BRCA2: variants seen among roughly 807,000 people sequenced by gnomAD.
The protein encoded by BRCA2 is breast cancer type 2 susceptibility protein.
Under a neutral mutation model 276.7 loss-of-function variants are expected in BRCA2, and 203 were observed. The ratio of observed to expected loss-of-function variants is 0.73; its 90% CI spans 0.65 to 0.82. The LOEUF (loss-of-function observed/expected upper bound fraction) is 0.82, where lower values mean the gene tolerates loss of function less well. Ranked by LOEUF, BRCA2 falls within the 40% of genes least tolerant of loss-of-function variation. The pLI is 0.00. For synonymous variants in BRCA2, 1,289 were observed against 1,338.4 expected (o/e 0.96, Z 0.81); for missense variants, 3,920 against 3,915.0 (o/e 1.00, Z -0.03).
In BRCA2 at chr13:32,319,275, C is replaced by T. The variant is rs748609599; in HGVS notation, c.266C>T (p.Pro89Leu). 10 of 1,613,776 alleles carry T rather than the reference C, an allele frequency of 6.2e-6. No homozygotes were observed. The highest frequency in any genetic ancestry group is 3.3e-4 in the Middle Eastern group (2 of 6,062). ...TTCAAAGAGCAAGGGCTGACTCTGC[C>T]GCTGTACCAATCTCCTGTAAAAGAA... ...IIFKEQGLTL[P>L]LYQSPVKELD... The change falls in exon 3 of 27, where the codon CCG becomes CTG. Residue 89 changes from proline to leucine, a missense_variant. By Grantham distance (98) the Pro-to-Leu change is moderately conservative. Around this residue, in one of 2 missense-constraint regions of BRCA2, gnomAD observed 3,263 missense variants for 3,156.9 expected, o/e 1.03. Coordinates refer to ENST00000380152, the MANE Select transcript of BRCA2 (RefSeq NM_000059.4).
At chr13:32,393,261 T>C (rs1174012503) in intron 24 of BRCA2, among the ~76,000 whole-genome samples, 1 of 152,242 alleles carries the variant, frequency 6.6e-6, no homozygotes, top group Non-Finnish European at 1.5e-5. Flanking sequence ...ATCAGTTGAT[T>C]TTGTTTGCAA....
At chr13:32,376,597 A>G in intron 20 of BRCA2, 73 bp from the exon 21 acceptor site, 3 of 1,520,446 alleles carry the variant, frequency 2.0e-6, no homozygotes, top group East Asian at 4.5e-5. Flanking sequence ...TGGGTGTTTT[A>G]TGCTTGGTTC....
At position 32,340,149 on chromosome 13, in the gene BRCA2, CAT is replaced by C. The variant is rs80359537; in HGVS notation, c.5796_5797del (p.His1932GlnfsTer12). ...ADIQSEEILQ[H>X]NQNMSGLEKV... ...CATTCAGAGTGAAGAAATTTTACAA[CAT>C]AACCAAAATATGTCTGGATTGGAGA... On this transcript the variant is annotated frameshift_variant, in exon 11 of 27. Coordinates refer to ENST00000380152, the MANE Select transcript of BRCA2 (RefSeq NM_000059.4). LOFTEE classifies it high-confidence loss of function. 6.2e-7 allele frequency: 1 copy of C among 1,613,168 alleles called. No individual in the cohort carries two copies. The highest frequency in any genetic ancestry group is 8.5e-7 in the Non-Finnish European group (1 of 1,179,450).
At position 32,353,389 on chromosome 13, in the gene BRCA2, G is replaced by T. The variant is rs182231475; in HGVS notation, c.7008-1472G>T. Among the ~76,000 whole-genome samples, 10 of 152,296 alleles carry T rather than the reference G, an allele frequency of 6.6e-5. No individual in the cohort carries two copies. In the East Asian group the frequency reaches 1.9e-3, roughly 29 times the overall value. Reference sequence around the variant, plus strand: ...TGAATTCTCAACAAAGAAGCCGGGGGATCCTTTTAAACATAAGACAGATTA... The same window carrying T: ...TGAATTCTCAACAAAGAAGCCGGGGTATCCTTTTAAACATAAGACAGATTA... On this transcript the variant is annotated intron_variant, in intron 13 of 26. Transcript: ENST00000380152.
intron 13 of BRCA2, among the ~76,000 whole-genome samples, chr13:32,354,137 A>G (rs1566240419): frequency 6.6e-6 from 1 of 152,152 alleles, no homozygotes; most frequent in African/African-American, 2.4e-5. Context: ...GGAAAATGTA[A>G]ACTGTCATAG....
In BRCA2 at chr13:32,330,603, G is replaced by A. The variant is rs11571635; in HGVS notation, c.682-316G>A. Among the ~76,000 whole-genome samples the A allele has an allele frequency of 6.5e-3, 994 of 152,254 alleles. 2 individuals carry two copies. The highest frequency in any genetic ancestry group is 0.012 in the Non-Finnish European group (825 of 68,024). The stretch of plus-strand genomic sequence containing the variant: ...TGGGTACCATATACAGCCTGGATAC[G>A]CTGGACAAAGGGATGATTCATGTCC... On this transcript the variant is annotated intron_variant, in intron 8 of 26. Coordinates refer to ENST00000380152, the MANE Select transcript of BRCA2 (RefSeq NM_000059.4).
intron 25 of BRCA2, chr13:32,396,124 C>A: frequency 5.6e-6 from 1 of 178,340 alleles, no homozygotes; most frequent in South Asian, 9.6e-5. Flanking sequence ...CAGGTGCGTG[C>A]CACCACGCCC....
rs774994294 is a variant in BRCA2 at position 32,356,480 on chromosome 13, G to C, written c.7488G>C (p.Lys2496Asn). The change falls in exon 15 of 27, where the codon AAG (lysine) becomes AAC (asparagine). Residue 2496 changes from lysine (K) to asparagine (N), a missense_variant. Coordinates refer to ENST00000380152, the MANE Select transcript of BRCA2 (RefSeq NM_000059.4). The part of the protein sequence containing the change: ...NARDIQDMRI[K>N]KKQRQRVFPQ... ...GAGATATACAGGATATGCGAATTAA[G>C]AAGAAACAAAGGCAACGCGTCTTTC... 1.9e-6 allele frequency: 3 copies of C among 1,614,056 alleles called. No homozygotes were observed. In the East Asian group the frequency reaches 6.7e-5, roughly 36 times the overall value.
rs2072565373 is a variant in BRCA2 at position 32,341,141 on chromosome 13, G to A, written c.6786G>A (p.Met2262Ile). 2 of 1,613,892 alleles carry A rather than the reference G, an allele frequency of 1.2e-6. No homozygotes were observed. The highest frequency in any genetic ancestry group is 2.2e-5 in the South Asian group (2 of 91,064). Residue 2262 changes from methionine (M) to isoleucine (I), a missense_variant, in exon 11 of 27, where the codon ATG becomes ATA. By Grantham distance (10) the Met-to-Ile change is conservative. This residue lies in a region of BRCA2 where 3,263 missense variants were observed against 3,156.9 expected (regional missense o/e 1.03). Coordinates refer to ENST00000380152, the MANE Select transcript of BRCA2 (RefSeq NM_000059.4). ...TTACATGTCCCGAAAATGAGGAAATGGTTTTGTCAAATTCAAGAATTGGAA... is the reference window on the plus strand; with the variant it reads ...TTACATGTCCCGAAAATGAGGAAATAGTTTTGTCAAATTCAAGAATTGGAA... ...SLFTCPENEE[M>I]VLSNSRIGKR...
chr13:32,395,069 C>A, intron 25 of BRCA2, 136 bp downstream of exon 25: 1 of 1,225,568 alleles, frequency 8.2e-7, no homozygotes, highest in Non-Finnish European at 1.1e-6. Context: ...ATATTAATTG[C>A]CCATGAACCT....
rs1212932904 is a variant in BRCA2 at position 32,400,235 on chromosome 13, T to C, written c.*1465T>C. 3 of 152,204 alleles carry C rather than the reference T, an allele frequency of 2.0e-5. No homozygotes were observed. The highest frequency in any genetic ancestry group is 4.4e-5 in the Non-Finnish European group (3 of 68,038). The allele number at this position is 152,204 out of a possible 1,614,324, so 9.4% of individuals were successfully genotyped here. A position where few individuals can be genotyped will look rare whatever the true frequency, so the allele number is the denominator to read the frequency against. ...GTTTTCAAATCTAATTATAAATACGTTTAAAGCCAAGAATAAATCTTTTAA... is the reference window on the plus strand; with the variant it reads ...GTTTTCAAATCTAATTATAAATACGCTTAAAGCCAAGAATAAATCTTTTAA... On this transcript the variant is annotated 3_prime_UTR_variant, in exon 27 of 27. Transcript: ENST00000380152.
At chr13:32,397,803 A>C (rs183893938) in intron 26 of BRCA2, among the ~76,000 whole-genome samples, 1 of 152,290 alleles carries the variant, frequency 6.6e-6, no homozygotes, top group East Asian at 1.9e-4. Flanking sequence ...AGGTATTAGA[A>C]CCCAGATAGT....
intron 24 of BRCA2, among the ~76,000 whole-genome samples, chr13:32,390,918 C>G (rs556866623): frequency 1.3e-5 from 2 of 152,300 alleles, no homozygotes; most frequent in African/African-American, 4.8e-5. Flanking sequence ...CTATTATCAT[C>G]CCACTTTACA....
At chr13:32,380,866 A>G (rs1351320623) in intron 24 of BRCA2, among the ~76,000 whole-genome samples, 3 of 152,132 alleles carry the variant, frequency 2.0e-5, no homozygotes, top group Non-Finnish European at 2.9e-5. Context: ...TTTATTGAAT[A>G]TATGGTCTTA....
rs80359303 is a variant in BRCA2, at chr13:32,333,238, CAAAT to C, written c.1763_1766del (p.Asn588SerfsTer25). 1 of 1,612,172 alleles carries C rather than the reference CAAAT, an allele frequency of 6.2e-7. No individual in the cohort carries two copies. On this transcript the variant is annotated frameshift_variant, in exon 10 of 27. Transcript: ENST00000380152. LOFTEE classifies it high-confidence loss of function. ...TTAATATCCACTTTGAAAAAGAAAA[CAAAT>C]AAGTTTATTTATGCTATACATGATG...
rs397507363 is a variant in BRCA2 at position 32,340,375 on chromosome 13, C to T, written c.6020C>T (p.Thr2007Ile). 1 of 1,613,814 alleles carries T rather than the reference C, an allele frequency of 6.2e-7. No homozygotes were observed. Among genetic ancestry groups the T allele is most frequent in the Non-Finnish European group, 8.5e-7 (1 of 1,179,846 alleles). Residue 2007 changes from threonine to isoleucine, a missense_variant, in exon 11 of 27, where the codon ACC (threonine) becomes ATC (isoleucine). Thr to Ile is a moderately conservative substitution (Grantham distance 89). Coordinates refer to ENST00000380152, the MANE Select transcript of BRCA2 (RefSeq NM_000059.4). ...RQVFSEIEDS[T>I]KQVFSKVLFK... ...GTGTTTTCTGAAATAGAAGATAGTA[C>T]CAAGCAAGTCTTTTCCAAAGTATTG...
chr13:32,319,283 C>A lies in BRCA2; in HGVS notation c.274C>A (p.Gln92Lys), dbSNP rs80358529. ...GCAAGGGCTGACTCTGCCGCTGTAC[C>A]AATCTCCTGTAAAAGAATTAGATAA... ...KEQGLTLPLY[Q>K]SPVKELDKFK... Residue 92 changes from glutamine to lysine, a missense_variant, in exon 3 of 27, where the codon CAA (glutamine) becomes AAA (lysine). Around this residue, in one of 2 missense-constraint regions of BRCA2, gnomAD observed 3,263 missense variants for 3,156.9 expected, o/e 1.03. Coordinates refer to ENST00000380152, the MANE Select transcript of BRCA2 (RefSeq NM_000059.4). 1 of 1,613,820 alleles carries A rather than the reference C, an allele frequency of 6.2e-7. No homozygotes were observed. The highest frequency in any genetic ancestry group is 1.1e-5 in the South Asian group (1 of 91,074).
intron 13 of BRCA2, among the ~76,000 whole-genome samples, chr13:32,351,369 C>A (rs192702452): frequency 6.6e-6 from 1 of 152,114 alleles, no homozygotes; most frequent in East Asian, 1.9e-4. Flanking sequence ...TCAGCAAGAC[C>A]ACAAACCCAC....
intron 10 of BRCA2, among the ~76,000 whole-genome samples, chr13:32,333,961 T>A (rs2072430152): frequency 6.6e-6 from 1 of 152,236 alleles, no homozygotes; most frequent in South Asian, 2.1e-4. Flanking sequence ...TTGTTCCTTT[T>A]TATGGCTACA....
Sources: allele counts gnomAD v4.1 joint callset (sites outside exome capture counted in the v4.1 genomes callset), GRCh38; gene constraint gnomAD v4.1.1; regional missense constraint gnomAD v4.1.1; transcripts MANE v1.5; gene names NCBI Gene and HGNC (gene_info 2026-07-23, HGNC 2026-07-21).